NMT2: variants seen among roughly 807,000 people sequenced by gnomAD.
NMT2 encodes the protein glycylpeptide N-tetradecanoyltransferase 2.
In NMT2, 35 loss-of-function variants were observed where a neutral mutation model predicts 65.4. That is an observed-to-expected ratio of 0.54 (90% confidence interval 0.41 to 0.71). The LOEUF is 0.71. Ranked by LOEUF, NMT2 falls within the 30% of genes least tolerant of loss-of-function variation. The pLI is 0.00. For missense variants in NMT2, 489 were observed against 611.3 expected (o/e 0.80, Z 2.11); for synonymous variants, 226 against 231.8 (o/e 0.98, Z 0.23).
intron 8 of NMT2, among the ~76,000 whole-genome samples, chr10:15,126,942 T>C (rs1036823715): frequency 2.0e-5 from 3 of 152,162 alleles, no homozygotes; most frequent in African/African-American, 7.2e-5. Flanking sequence ...CTATTAAAAA[T>C]GATAACTTGG....
At chr10:15,122,933 T>TAAA (rs200230286) in intron 8 of NMT2, among the ~76,000 whole-genome samples, 13 of 146,436 alleles carry the variant, frequency 8.9e-5, no homozygotes, top group East Asian at 2.0e-4. Context: ...TGAAAATAGT[T>TAAA]AAAAAAAAAA....
At chr10:15,145,733 GAAAC>G (rs1255811496) in intron 1 of NMT2, among the ~76,000 whole-genome samples, 1 of 152,154 alleles carries the variant, frequency 6.6e-6, no homozygotes, top group Non-Finnish European at 1.5e-5. Flanking sequence ...TATATCAAAT[GAAAC>G]AGAAGTGTTG....
At chr10:15,138,028 T>C (rs1300119102) in intron 2 of NMT2, among the ~76,000 whole-genome samples, 2 of 151,288 alleles carry the variant, frequency 1.3e-5, no homozygotes, top group Admixed American at 6.6e-5. Flanking sequence ...TTTTTCATTT[T>C]GAGGCAGAGT....
At chr10:15,131,361 G>C (rs1340573944) in intron 6 of NMT2, among the ~76,000 whole-genome samples, 4 of 150,326 alleles carry the variant, frequency 2.7e-5, no homozygotes, top group Non-Finnish European at 5.9e-5. Flanking sequence ...ATGTTGACCA[G>C]GCTGGTCTCG....
At chr10:15,117,698 AG>A (rs1465712800) in intron 9 of NMT2, among the ~76,000 whole-genome samples, 1 of 149,466 alleles carries the variant, frequency 6.7e-6, no homozygotes, top group Admixed American at 6.6e-5. Flanking sequence ...GCACTGTGGT[AG>A]GATACAAACA....
At chr10:15,132,417 C>CATTTTT (rs1292440847) in intron 6 of NMT2, among the ~76,000 whole-genome samples, 1 of 152,012 alleles carries the variant, frequency 6.6e-6, no homozygotes, top group Non-Finnish European at 1.5e-5. Flanking sequence ...TGCATTCAGT[C>CATTTTT]ATTTTTATTT....
At position 15,130,151 on chromosome 10, in the gene NMT2, G is replaced by A. The variant is rs1421753327; in HGVS notation, c.881C>T (p.Ala294Val). ...TAGVVLPKPI[A>V]TCRYWHRSLN... ...AATATGGTACTGGTACCTGCATGTG[G>A]CTATGGGCTTAGGAAGAACCACTCC... The change falls in exon 7 of 12, where the codon GCC becomes GTC. Residue 294 changes from alanine (A) to valine (V), a missense_variant. By Grantham distance (64) the Ala-to-Val change is moderately conservative. Transcript: ENST00000378165. The A allele has an allele frequency of 6.6e-7, 1 of 1,524,094 alleles. No homozygotes were observed. The highest frequency in any genetic ancestry group is 1.3e-5 in the South Asian group (1 of 74,232). 94.4% of individuals were successfully genotyped at this position (1,524,094 alleles called of 1,614,324 possible). A position where few individuals can be genotyped will look rare whatever the true frequency, so the allele number is the denominator to read the frequency against.
chr10:15,145,569 G>A (rs1249308222), intron 1 of NMT2, among the ~76,000 whole-genome samples: 4 of 152,042 alleles, frequency 2.6e-5, no homozygotes, highest in East Asian at 1.9e-4. Context: ...TAGTAAAGAC[G>A]GGGTTTCGCT....
At chr10:15,143,883 CA>C (rs1035658186) in intron 1 of NMT2, among the ~76,000 whole-genome samples, 2 of 152,194 alleles carry the variant, frequency 1.3e-5, no homozygotes, top group African/African-American at 4.8e-5. Context: ...AACACAACAA[CA>C]ATAATAATAG....
rs1250478316 is a variant in NMT2 at position 15,107,203 on chromosome 10, AATG to A, written c.*1989_*1991del. On this transcript the variant is annotated 3_prime_UTR_variant, in exon 12 of 12. Transcript: ENST00000378165. ...TTTGTGTAATTTGCACATGTCACAA[AATG>A]ATGTCATTTTTTGGCTTTTTCTCCT... 2 of 289,194 alleles carry A rather than the reference AATG, an allele frequency of 6.9e-6. No individual in the cohort carries two copies. Among genetic ancestry groups the A allele is most frequent in the Non-Finnish European group, 1.0e-5 (2 of 193,700 alleles). 17.9% of individuals were successfully genotyped at this position (289,194 alleles called of 1,614,324 possible).
chr10:15,131,975 C>T (rs537764272), intron 6 of NMT2, among the ~76,000 whole-genome samples: 2 of 152,014 alleles, frequency 1.3e-5, no homozygotes, highest in Non-Finnish European at 2.9e-5. Flanking sequence ...AAGTGATTCT[C>T]GTGCCTCAGC....
intron 1 of NMT2, among the ~76,000 whole-genome samples, chr10:15,164,446 T>C (rs1833309836): frequency 6.6e-6 from 1 of 152,182 alleles, no homozygotes; most frequent in African/African-American, 2.4e-5. Flanking sequence ...TTGGTTTTGT[T>C]ACCAAAGTTC....
At chr10:15,167,693 T>C (rs1833420456) in intron 1 of NMT2, among the ~76,000 whole-genome samples, 1 of 152,214 alleles carries the variant, frequency 6.6e-6, no homozygotes, top group Non-Finnish European at 1.5e-5. Context: ...AGCAATCCTT[T>C]TCTCCAACAG....
intron 9 of NMT2, 142 bp from the exon 10 acceptor site, chr10:15,113,105 C>G (rs999703121): frequency 1.2e-6 from 1 of 826,656 alleles, no homozygotes; most frequent in Admixed American, 2.5e-5. Context: ...ATTTGGGGCC[C>G]CTTATATTGT....
intron 1 of NMT2, among the ~76,000 whole-genome samples, chr10:15,146,823 C>G (rs1204642782): frequency 6.6e-6 from 1 of 151,990 alleles, no homozygotes; most frequent in Non-Finnish European, 1.5e-5. Flanking sequence ...CTGGGTGCAG[C>G]GGCTCACGCC....
chr10:15,154,645 G>T (rs1038134241), intron 1 of NMT2, among the ~76,000 whole-genome samples: 2 of 152,102 alleles, frequency 1.3e-5, no homozygotes, highest in Admixed American at 6.5e-5. Flanking sequence ...ATCCAGCTAG[G>T]CATGGAAGGG....
At chr10:15,129,727 G>A (rs1007290204) in intron 7 of NMT2, among the ~76,000 whole-genome samples, 7 of 151,994 alleles carry the variant, frequency 4.6e-5, no homozygotes, top group African/African-American at 1.7e-4. Context: ...TGACCAACAT[G>A]GTGAAACCCT....
Position 15,141,611 on chromosome 10 carries a change from G to A in NMT2, c.111-54C>T, listed in dbSNP as rs1001521102. 125 of 1,542,922 alleles carry A rather than the reference G, an allele frequency of 8.1e-5. No homozygotes were observed. The African/African-American group carries it at 1.2e-3, about 15-fold the overall frequency. On this transcript the variant is annotated intron_variant, in intron 1 of 11. Transcript: ENST00000378165. ...AACCAACAAACAAAAATCATTAAAT[G>A]AAATTGAATTGCATACAATTAATCA... is the stretch of plus-strand genomic sequence containing the variant.
chr10:15,144,540 A>G (rs1327849229), intron 1 of NMT2, among the ~76,000 whole-genome samples: 1 of 152,074 alleles, frequency 6.6e-6, no homozygotes, highest in Non-Finnish European at 1.5e-5. Flanking sequence ...GACCATCCTG[A>G]CTAACATGGT....
Sources: gnomAD v4.1 joint callset for allele counts (sites outside exome capture counted in the v4.1 genomes callset) on GRCh38, gnomAD v4.1.1 for gene constraint, MANE v1.5 for transcripts, NCBI Gene and HGNC (gene_info 2026-07-23, HGNC 2026-07-21) for gene names.